PCGF3: variants seen among roughly 807,000 people sequenced by gnomAD.
PCGF3 encodes polycomb group ring finger 3.
A neutral mutation model predicts 33.1 loss-of-function variants in PCGF3; 7 were observed. The ratio of observed to expected loss-of-function variants is 0.21; its 90% confidence interval spans 0.12 to 0.40. The LOEUF is 0.40. PCGF3 is among the 10% of genes least tolerant of loss of function. The probability of loss-of-function intolerance (pLI) is 1.00; values close to 1 mark genes in which losing one functional copy is unlikely to be tolerated. For synonymous variants in PCGF3, 153 were observed against 121.3 expected (o/e 1.26, Z -1.72); for missense variants, 211 against 313.3 (o/e 0.67, Z 2.46).
At chr4:712,689 G>T (rs1323991188) in intron 1 of PCGF3, among the ~76,000 whole-genome samples, 1 of 152,026 alleles carries the variant, frequency 6.6e-6, no homozygotes, top group South Asian at 2.1e-4. Flanking sequence ...CTCATGACCC[G>T]CCCGCCTTGG....
At chr4:738,347 A>T (rs1743927362) in intron 6 of PCGF3, among the ~76,000 whole-genome samples, 1 of 152,268 alleles carries the variant, frequency 6.6e-6, no homozygotes, top group Non-Finnish European at 1.5e-5. Context: ...ATGCAGGAAG[A>T]ATTTAGATTT....
intron 9 of PCGF3, among the ~76,000 whole-genome samples, chr4:763,199 T>G (rs1177656911): frequency 6.6e-6 from 1 of 152,160 alleles, no homozygotes; most frequent in African/African-American, 2.4e-5. Flanking sequence ...ATCGTTTTGT[T>G]TGCTTTTCTG....
chr4:717,809 C>T (rs1742921075), intron 1 of PCGF3, among the ~76,000 whole-genome samples: 1 of 152,220 alleles, frequency 6.6e-6, no homozygotes, highest in African/African-American at 2.4e-5. Flanking sequence ...GAATGTCCTG[C>T]GGTGATTGAG....
chr4:748,316 C>T lies in PCGF3; in HGVS notation c.462+3628C>T, dbSNP rs566838095. On this transcript the variant is annotated intron_variant, in intron 8 of 10. Transcript: ENST00000362003. The stretch of plus-strand genomic sequence containing the variant: ...CTGGGTTCAAGCGATTCTCCTGCCT[C>T]AGCCTCCCGAGTAGCTGGGACTACA... 3.4e-4 allele frequency among the ~76,000 whole-genome samples: 51 copies of T among 152,184 alleles called. No homozygotes were observed. In the South Asian group the frequency reaches 6.2e-3, roughly 19 times the overall value.
In PCGF3 at chr4:762,114, G is replaced by A. The variant is rs1291909764; in HGVS notation, c.600+698G>A. The A allele has an allele frequency of 1.2e-5, 12 of 984,376 alleles. No homozygotes were observed. The African/African-American group carries it at 1.9e-4, about 16-fold the overall frequency. The allele number at this position is 984,376 out of a possible 1,614,324, so 61.0% of individuals were successfully genotyped here. On this transcript the variant is annotated intron_variant, in intron 9 of 10. Coordinates refer to ENST00000362003, the Ensembl canonical transcript of PCGF3. ...GTCTGTAGCAGCAGTGGACTCAGTG[G>A]TGGCCCCAGAAGATAAGCCACATCC...
rs371245326 is a variant in PCGF3, at chr4:707,527, C to A, written c.-190+1557C>A. Among the ~76,000 whole-genome samples the A allele has an allele frequency of 8.3e-5, 11 of 133,292 alleles. 1 individual carries two copies. In the South Asian group the frequency reaches 1.7e-3, roughly 20 times the overall value. 87.4% of individuals were successfully genotyped at this position (133,292 alleles called of 152,430 possible). A position where few individuals can be genotyped will look rare whatever the true frequency, so the allele number is the denominator to read the frequency against. On this transcript the variant is annotated intron_variant, in intron 1 of 10. Coordinates refer to ENST00000362003, the Ensembl canonical transcript of PCGF3. ...CCTGTTTTCACCCGGGGGCCGGGAC[C>A]CTGGGACAGCCCTGTTTTCCCCTGG...
At chr4:717,951 C>T (rs969616966) in intron 1 of PCGF3, among the ~76,000 whole-genome samples, 23 of 152,190 alleles carry the variant, frequency 1.5e-4, no homozygotes, top group Admixed American at 7.2e-4. Context: ...TCGGGAATCC[C>T]GTGGGTGCTG....
chr4:769,087 C>T (rs1232153889), exon 11 of PCGF3: 1 of 152,688 alleles, frequency 6.5e-6, no homozygotes, highest in African/African-American at 2.4e-5. Flanking sequence ...GCCAGTGATG[C>T]CTCGGGCCAC....
intron 8 of PCGF3, among the ~76,000 whole-genome samples, chr4:755,059 A>G (rs1043617760): frequency 3.3e-5 from 5 of 152,162 alleles, no homozygotes; most frequent in Non-Finnish European, 4.4e-5. Flanking sequence ...CCTCTTTACA[A>G]TCAGAGTTGC....
intron 8 of PCGF3, among the ~76,000 whole-genome samples, chr4:754,541 G>A (rs939560384): frequency 1.3e-5 from 2 of 152,224 alleles, no homozygotes; most frequent in Admixed American, 6.5e-5. Context: ...CTGTAGAGGT[G>A]AGGCAGGAGG....
intron 8 of PCGF3, chr4:756,884 A>G (rs1223242533): frequency 1.3e-5 from 2 of 152,224 alleles, no homozygotes; most frequent in African/African-American, 2.4e-5. Flanking sequence ...TGATCGAGAA[A>G]GTCTGTGAAT....
chr4:740,689 C>A (rs1325955730), intron 6 of PCGF3, among the ~76,000 whole-genome samples: 12 of 152,166 alleles, frequency 7.9e-5, no homozygotes, highest in Non-Finnish European at 1.8e-4. Context: ...AAGAATGTTT[C>A]TTTACATTTT....
At chr4:761,229 C>G in intron 8 of PCGF3, 50 bp from the exon 9 acceptor site, 1 of 1,489,188 alleles carries the variant, frequency 6.7e-7, no homozygotes, top group Non-Finnish European at 9.0e-7. Flanking sequence ...CCTCCAGAAC[C>G]GTCCGGGGGA....
intron 5 of PCGF3, among the ~76,000 whole-genome samples, chr4:736,385 A>G (rs1743821621): frequency 1.3e-5 from 2 of 152,206 alleles, no homozygotes; most frequent in South Asian, 2.1e-4. Flanking sequence ...GAAACATTCT[A>G]GAAAAGCCTC....
At chr4:744,532 A>C in intron 7 of PCGF3, 68 bp from the exon 8 acceptor site, 1 of 1,138,368 alleles carries the variant, frequency 8.8e-7, no homozygotes, top group Non-Finnish European at 1.3e-6. Context: ...TTTGGAGTAC[A>C]GTGTAGTTTT....
chr4:763,399 C>T (rs13127293), intron 9 of PCGF3, among the ~76,000 whole-genome samples: 49,789 of 151,938 alleles, frequency 0.33, 9,584 homozygotes, highest in African/African-American at 0.53. Context: ...GCTGCTGCTG[C>T]GTTAACCGTG....
At chr4:748,746 T>C (rs1342047575) in intron 8 of PCGF3, among the ~76,000 whole-genome samples, 1 of 152,206 alleles carries the variant, frequency 6.6e-6, no homozygotes, top group African/African-American at 2.4e-5. Flanking sequence ...TGTTGGTGGC[T>C]TGGCGGCTCT....
chr4:732,197 CT>C (rs1370951900), intron 3 of PCGF3, among the ~76,000 whole-genome samples: 1 of 145,268 alleles, frequency 6.9e-6, no homozygotes, highest in African/African-American at 2.5e-5. Flanking sequence ...CGGGGCTCCC[CT>C]CCCCTCGTGG....
At chr4:734,807 G>A (rs760934760) in intron 4 of PCGF3, 124 bp from the exon 5 acceptor site, 1 of 1,422,902 alleles carries the variant, frequency 7.0e-7, no homozygotes, top group Non-Finnish European at 9.3e-7. Context: ...GAGCCACAAG[G>A]AGGACAGCAG....
Sources: gnomAD v4.1 joint callset for allele counts (sites outside exome capture counted in the v4.1 genomes callset) on GRCh38, gnomAD v4.1.1 for gene constraint, MANE v1.5 for transcripts, NCBI Gene and HGNC (gene_info 2026-07-23, HGNC 2026-07-21) for gene names.